The following TMEM108 variants were observed in gnomAD, a reference collection of about 807,000 sequenced individuals.
The protein encoded by TMEM108 is cancer/testis antigen 124.
A neutral mutation model predicts 35.1 loss-of-function variants in TMEM108; 12 were observed. The observed-to-expected ratio is 0.34, with a 90% confidence interval of 0.22 to 0.55. The LOEUF (loss-of-function observed/expected upper bound fraction) is 0.55. Among genes scored for constraint, TMEM108 ranks in the 20% least tolerant of loss-of-function variants. TMEM108 has a pLI of 0.89. For missense variants in TMEM108, 680 were observed against 753.3 expected (o/e 0.90, Z 1.14); for synonymous variants, 287 against 308.6 (o/e 0.93, Z 0.73).
chr3:133,341,397 C>T (rs1291949076), intron 3 of TMEM108, among the ~76,000 whole-genome samples: 1 of 151,722 alleles, frequency 6.6e-6, no homozygotes, highest in Non-Finnish European at 1.5e-5. Flanking sequence ...TTGAAGAGAA[C>T]ACCAAAAAAT....
At chr3:133,264,341 T>G (rs1419833355) in intron 3 of TMEM108, among the ~76,000 whole-genome samples, 1 of 152,088 alleles carries the variant, frequency 6.6e-6, no homozygotes, top group African/African-American at 2.4e-5. Context: ...CTATCTATCA[T>G]GCTATTTTCC....
intron 2 of TMEM108, among the ~76,000 whole-genome samples, chr3:133,207,003 G>C (rs1945765879): frequency 6.6e-6 from 1 of 152,144 alleles, no homozygotes; most frequent in Admixed American, 6.5e-5. Context: ...GCCCTGCCTA[G>C]AGAGGAGGAA....
chr3:133,264,979 C>T (rs185949928), intron 3 of TMEM108, among the ~76,000 whole-genome samples: 17 of 152,330 alleles, frequency 1.1e-4, no homozygotes, highest in Admixed American at 4.6e-4. Flanking sequence ...ACACACTCCA[C>T]TGTAGCAGCA....
At chr3:133,200,078 A>G (rs1456202846) in intron 2 of TMEM108, among the ~76,000 whole-genome samples, 3 of 152,200 alleles carry the variant, frequency 2.0e-5, no homozygotes, top group African/African-American at 7.2e-5. Context: ...GGCACGGGAT[A>G]TAATCTCCTG....
At chr3:133,152,446 G>C (rs1420465454) in intron 2 of TMEM108, among the ~76,000 whole-genome samples, 2 of 152,120 alleles carry the variant, frequency 1.3e-5, no homozygotes, top group Admixed American at 6.6e-5. Context: ...GCTCTCTGTT[G>C]TATAGTGATT....
chr3:133,094,233 A>ACCCCCCACCCCCCC (rs1553732630), intron 2 of TMEM108, among the ~76,000 whole-genome samples: 5 of 23,330 alleles, frequency 2.1e-4, no homozygotes, highest in South Asian at 1.8e-3. Context: ...CCCACCCCCC[A>ACCCCCCACCCCCCC]CCCCCCCCAC....
intron 4 of TMEM108, chr3:133,387,561 G>C (rs1226813481): frequency 1.0e-6 from 1 of 984,328 alleles, no homozygotes; most frequent in Non-Finnish European, 1.2e-6. Flanking sequence ...GGAGGACTTG[G>C]ATTCTGCAAC....
At chr3:133,275,693 A>T (rs969263191) in intron 3 of TMEM108, among the ~76,000 whole-genome samples, 10 of 152,174 alleles carry the variant, frequency 6.6e-5, no homozygotes, top group African/African-American at 2.4e-4. Context: ...CTGGAGCAGC[A>T]CTCCATGATC....
chr3:133,164,750 G>A (rs770150395), intron 2 of TMEM108, among the ~76,000 whole-genome samples: 1 of 151,994 alleles, frequency 6.6e-6, no homozygotes, highest in Non-Finnish European at 1.5e-5. Context: ...AATGTTAAGG[G>A]GTTCTTGTGC....
chr3:133,342,254 T>A (rs932215216), intron 3 of TMEM108, among the ~76,000 whole-genome samples: 7 of 151,392 alleles, frequency 4.6e-5, no homozygotes, highest in Admixed American at 3.3e-4. Flanking sequence ...AAAGAAGACA[T>A]ACACATGTCA....
At chr3:133,326,403 A>G (rs1265124030) in intron 3 of TMEM108, among the ~76,000 whole-genome samples, 13 of 152,218 alleles carry the variant, frequency 8.5e-5, no homozygotes. Flanking sequence ...ATATAATGAA[A>G]TAAGTTAGTC....
chr3:133,316,558 A>G (rs1294619504), intron 3 of TMEM108, among the ~76,000 whole-genome samples: 1 of 152,226 alleles, frequency 6.6e-6, no homozygotes, highest in Non-Finnish European at 1.5e-5. Flanking sequence ...TAGATACTGA[A>G]GAGCTTCCCA....
chr3:133,366,684 G>T lies in TMEM108; in HGVS notation c.41-13068G>T, dbSNP rs10512898. On this transcript the variant is annotated intron_variant, in intron 3 of 5. Coordinates refer to ENST00000321871, the MANE Select transcript of TMEM108 (RefSeq NM_023943.4). ...TTCAGGTATGCAGATCCACAGATTTGTAGCCCAAAAGAGAATAATTAAAAG... is the reference window on the plus strand; with the variant it reads ...TTCAGGTATGCAGATCCACAGATTTTTAGCCCAAAAGAGAATAATTAAAAG... Among the ~76,000 whole-genome samples, 762 of 152,302 alleles carry T rather than the reference G, an allele frequency of 5.0e-3. 27 individuals carry two copies. The East Asian group carries it at 0.11, about 22-fold the overall frequency.
intron 2 of TMEM108, among the ~76,000 whole-genome samples, chr3:133,086,864 A>G (rs749581187): frequency 6.6e-6 from 1 of 152,224 alleles, no homozygotes; most frequent in African/African-American, 2.4e-5. Flanking sequence ...ATGAGATAAC[A>G]TGAGATTCCA....
chr3:133,169,882 G>C (rs1945103623), intron 2 of TMEM108, among the ~76,000 whole-genome samples: 1 of 152,198 alleles, frequency 6.6e-6, no homozygotes, highest in Non-Finnish European at 1.5e-5. Context: ...AAAAGATGGT[G>C]ATTAGCTGGT....
At chr3:133,336,572 G>A (rs2071509220) in intron 3 of TMEM108, among the ~76,000 whole-genome samples, 1 of 152,030 alleles carries the variant, frequency 6.6e-6, no homozygotes, top group Non-Finnish European at 1.5e-5. Flanking sequence ...GGTCTTGGGT[G>A]GGACTCTGAG....
At chr3:133,374,082 C>T (rs2072759739) in intron 3 of TMEM108, among the ~76,000 whole-genome samples, 1 of 152,208 alleles carries the variant, frequency 6.6e-6, no homozygotes, top group African/African-American at 2.4e-5. Flanking sequence ...GGGGCCAAAG[C>T]CCCCAAGAGA....
In TMEM108 at chr3:133,202,686, G is replaced by A. The variant is rs555663612; in HGVS notation, c.-46-26580G>A. Among the ~76,000 whole-genome samples the A allele has an allele frequency of 2.6e-4, 39 of 152,170 alleles. 2 individuals carry two copies. The South Asian group carries it at 8.1e-3, about 32-fold the overall frequency. ...TTGGTACTAGTACCATGCTATTTTGGTTACTGTAGCCTTGTAGTATAGTTT... is the reference window on the plus strand; with the variant it reads ...TTGGTACTAGTACCATGCTATTTTGATTACTGTAGCCTTGTAGTATAGTTT... On this transcript the variant is annotated intron_variant, in intron 2 of 5. Coordinates refer to ENST00000321871, the MANE Select transcript of TMEM108 (RefSeq NM_023943.4).
At chr3:133,322,982 G>A (rs2071285470) in intron 3 of TMEM108, among the ~76,000 whole-genome samples, 1 of 152,092 alleles carries the variant, frequency 6.6e-6, no homozygotes, top group South Asian at 2.1e-4. Context: ...AAAACCCTCA[G>A]TGAAGTCAGC....
Sources: allele counts gnomAD v4.1 joint callset (sites outside exome capture counted in the v4.1 genomes callset), GRCh38; gene constraint gnomAD v4.1.1; transcripts MANE v1.5; gene names NCBI Gene and HGNC (gene_info 2026-07-23, HGNC 2026-07-21).